The following XIRP2 variants were observed in gnomAD, a reference collection of about 807,000 sequenced individuals.
XIRP2 encodes the protein xin actin-binding repeat-containing protein 2.
XIRP2 carries 236 observed loss-of-function variants against 277.0 expected under a neutral mutation model. The ratio of observed to expected loss-of-function variants is 0.85; its 90% CI spans 0.77 to 0.95. The LOEUF (loss-of-function observed/expected upper bound fraction) is 0.95. XIRP2 is among the 40% of genes least tolerant of loss of function. XIRP2 has a pLI of 0.00. For synonymous variants in XIRP2, 1,490 were observed against 1,416.5 expected, an observed-to-expected ratio of 1.05 and a Z score of -1.17; for missense variants, 4,640 against 4,157.5, an observed-to-expected ratio of 1.12 and a Z score of -3.19.
At chr2:167,107,540 A>G (rs998203571) in intron 2 of XIRP2, among the ~76,000 whole-genome samples, 19 of 151,708 alleles carry the variant, frequency 1.3e-4, no homozygotes, top group African/African-American at 4.6e-4. Context: ...TTGCTTCTCT[A>G]TAATAAGTCT....
At chr2:167,206,959 C>G (rs1238011390) in intron 3 of XIRP2, among the ~76,000 whole-genome samples, 3 of 152,080 alleles carry the variant, frequency 2.0e-5, no homozygotes, top group African/African-American at 7.2e-5. Flanking sequence ...AGATTGTGAA[C>G]CCAGACACAG....
intron 2 of XIRP2, chr2:167,124,066 C>T (rs1483259890): frequency 6.6e-6 from 1 of 152,046 alleles, no homozygotes; most frequent in East Asian, 1.9e-4. Context: ...TTGATGCATT[C>T]TCTTCCCTGG....
chr2:167,184,820 G>T (rs774490718), intron 3 of XIRP2, among the ~76,000 whole-genome samples: 2 of 152,084 alleles, frequency 1.3e-5, no homozygotes, highest in Non-Finnish European at 2.9e-5. Context: ...GTAAGTTTCA[G>T]TCAAGTACAA....
At position 167,048,112 on chromosome 2, in the gene XIRP2, T is replaced by C. The variant is rs151059511; in HGVS notation, c.409-87797T>C. Reference sequence around the variant, plus strand: ...TATAAATTTTGGAAAGACAGAATCATTCAGTCTGTAACAGTGGGCATCAGT... The same window carrying C: ...TATAAATTTTGGAAAGACAGAATCACTCAGTCTGTAACAGTGGGCATCAGT... On this transcript the variant is annotated intron_variant, in intron 2 of 10. Transcript: ENST00000409195. Among the ~76,000 whole-genome samples the C allele has an allele frequency of 6.6e-5, 10 of 152,104 alleles. 1 individual carries two copies. In the East Asian group the frequency reaches 1.7e-3, roughly 26 times the overall value.
At chr2:167,083,124 G>C (rs1304670339) in intron 2 of XIRP2, among the ~76,000 whole-genome samples, 2 of 152,118 alleles carry the variant, frequency 1.3e-5, no homozygotes, top group Non-Finnish European at 2.9e-5. Context: ...TTTTGTATAA[G>C]GTGTAAGGAA....
chr2:166,982,668 G>T (rs1686906707), intron 2 of XIRP2, among the ~76,000 whole-genome samples: 1 of 151,746 alleles, frequency 6.6e-6, no homozygotes, highest in Admixed American at 6.6e-5. Context: ...AAATGTTTTG[G>T]TTCTATAATT....
chr2:167,029,447 C>T (rs977889121), intron 2 of XIRP2, among the ~76,000 whole-genome samples: 12 of 152,060 alleles, frequency 7.9e-5, no homozygotes, highest in Non-Finnish European at 1.5e-4. Context: ...GCCTTTTCTG[C>T]ATCTATTGAG....
intron 2 of XIRP2, among the ~76,000 whole-genome samples, chr2:167,035,575 G>A (rs1002867984): frequency 1.3e-5 from 2 of 152,098 alleles, no homozygotes; most frequent in African/African-American, 4.8e-5. Flanking sequence ...GGTGACTTGG[G>A]TACTGTTAAA....
intron 3 of XIRP2, among the ~76,000 whole-genome samples, chr2:167,172,172 C>T (rs935843929): frequency 2.6e-5 from 4 of 152,128 alleles, no homozygotes; most frequent in South Asian, 2.1e-4. Context: ...CATCACATGT[C>T]GGCAGGTTCC....
intron 10 of XIRP2, among the ~76,000 whole-genome samples, chr2:167,256,434 T>C (rs1695660310): frequency 6.6e-6 from 1 of 151,754 alleles, no homozygotes; most frequent in African/African-American, 2.4e-5. Context: ...TTATCTTTTA[T>C]TTCTATTTTT....
chr2:167,235,108 T>C (rs1694863644), intron 5 of XIRP2, among the ~76,000 whole-genome samples: 1 of 151,954 alleles, frequency 6.6e-6, no homozygotes, highest in Admixed American at 6.6e-5. Context: ...TGCATGTTTG[T>C]TACATGGATA....
chr2:167,049,479 T>C (rs1688865645), intron 2 of XIRP2, among the ~76,000 whole-genome samples: 1 of 151,694 alleles, frequency 6.6e-6, no homozygotes. Flanking sequence ...TTCACAGATC[T>C]ATATTTACAA....
chr2:167,022,824 T>A (rs889739704), intron 2 of XIRP2, among the ~76,000 whole-genome samples: 1 of 152,234 alleles, frequency 6.6e-6, no homozygotes, highest in Non-Finnish European at 1.5e-5. Context: ...ATGGTGTATA[T>A]GTGCCACATT....
intron 2 of XIRP2, among the ~76,000 whole-genome samples, chr2:167,028,320 A>T (rs1192599859): frequency 6.6e-6 from 1 of 152,048 alleles, no homozygotes; most frequent in Non-Finnish European, 1.5e-5. Context: ...TGTTAGTGAC[A>T]TGGCATGCCT....
At chr2:166,908,419 A>T (rs992607267) in intron 2 of XIRP2, among the ~76,000 whole-genome samples, 1 of 152,156 alleles carries the variant, frequency 6.6e-6, no homozygotes, top group Non-Finnish European at 1.5e-5. Flanking sequence ...TCTTCTTTTG[A>T]GAAGTGCCTG....
intron 2 of XIRP2, among the ~76,000 whole-genome samples, chr2:167,063,099 A>T (rs73014178): frequency 0.034 from 5,124 of 151,938 alleles, 94 homozygotes; most frequent in East Asian, 0.059. Context: ...TCCCTCTAAA[A>T]ACTGCTTTAG....
chr2:167,228,260 G>A (rs949146910), intron 5 of XIRP2, among the ~76,000 whole-genome samples: 1 of 152,158 alleles, frequency 6.6e-6, no homozygotes, highest in Non-Finnish European at 1.5e-5. Context: ...GCTGAGGCAT[G>A]ATCATAAAGT....
intron 2 of XIRP2, among the ~76,000 whole-genome samples, chr2:167,009,185 G>A (rs1240721657): frequency 1.3e-5 from 2 of 150,734 alleles, no homozygotes; most frequent in South Asian, 2.1e-4. Flanking sequence ...TTAGCATTAG[G>A]TATATCTCCT....
chr2:167,003,377 G>A (rs1020555318), intron 2 of XIRP2, among the ~76,000 whole-genome samples: 2 of 151,876 alleles, frequency 1.3e-5, no homozygotes, highest in African/African-American at 4.8e-5. Flanking sequence ...ATACTGGGAA[G>A]AATAGAGAAC....
Sources: gnomAD v4.1 joint callset for allele counts (sites outside exome capture counted in the v4.1 genomes callset) on GRCh38, gnomAD v4.1.1 for gene constraint, MANE v1.5 for transcripts, NCBI Gene and HGNC (gene_info 2026-07-23, HGNC 2026-07-21) for gene names.